The following C14orf132 variants were observed in gnomAD, a reference collection of about 807,000 sequenced individuals.
C14orf132 encodes the protein chromosome 14 open reading frame 132.
In C14orf132, 6 loss-of-function variants were observed where a neutral mutation model predicts 5.8. The observed-to-expected ratio is 1.03, with a 90% CI of 0.57 to 2.04. C14orf132 has a LOEUF of 2.04. C14orf132 is among the 30% of genes most tolerant of loss of function. The pLI, the probability that C14orf132 is intolerant of heterozygous loss-of-function variation, is 0.00. For missense variants in C14orf132, 125 were observed against 115.8 expected, an observed-to-expected ratio of 1.08 and a Z score of -0.37; for synonymous variants, 51 against 49.8, an observed-to-expected ratio of 1.02 and a Z score of -0.10.
intron 1 of C14orf132, among the ~76,000 whole-genome samples, chr14:96,085,705 C>G (rs1888160370): frequency 6.6e-6 from 1 of 152,148 alleles, no homozygotes; most frequent in Non-Finnish European, 1.5e-5. Context: ...GTCGGGGAGT[C>G]TGCCCTAATA....
At chr14:96,057,086 G>A (rs1595174150) in intron 1 of C14orf132, among the ~76,000 whole-genome samples, 2 of 152,344 alleles carry the variant, frequency 1.3e-5, no homozygotes, top group East Asian at 3.9e-4. Context: ...TGGTTTGAAT[G>A]TTTGTCTCCT....
intron 1 of C14orf132, among the ~76,000 whole-genome samples, chr14:96,077,215 C>G (rs1887895330): frequency 6.6e-6 from 1 of 152,174 alleles, no homozygotes; most frequent in African/African-American, 2.4e-5. Flanking sequence ...CTATTTCTTT[C>G]TATACCAAGA....
chr14:96,082,542 T>A (rs1888057808), intron 1 of C14orf132, among the ~76,000 whole-genome samples: 1 of 152,172 alleles, frequency 6.6e-6, no homozygotes, highest in Non-Finnish European at 1.5e-5. Flanking sequence ...CCAACAAACC[T>A]GAGACAGATG....
At position 96,092,270 on chromosome 14, in the gene C14orf132, C is replaced by T. The variant is rs896222010; in HGVS notation, c.*5535C>T. The T allele has an allele frequency of 1.3e-5, 2 of 152,220 alleles. No homozygotes were observed. Among genetic ancestry groups the T allele is most frequent in the South Asian group, 2.1e-4 (1 of 4,834 alleles). 9.4% of individuals were successfully genotyped at this position (152,220 alleles called of 1,614,324 possible). ...CTGGTCTTTTGACCGTGGCGGCAGC[C>T]TCGCGCCTGCCCGGATGGCTCCATC... On this transcript the variant is annotated 3_prime_UTR_variant, in exon 2 of 2. Transcript: ENST00000555004.
rs1043519 is a variant in C14orf132, at chr14:96,093,395, G to C, written c.*6660G>C. 0.31 allele frequency: 47,880 copies of C among 152,188 alleles called. 7,643 individuals carry two copies. Among genetic ancestry groups the C allele is most frequent in the East Asian group, 0.41 (2,135 of 5,176 alleles). The allele number at this position is 152,188 out of a possible 1,614,324, so 9.4% of individuals were successfully genotyped here. On this transcript the variant is annotated 3_prime_UTR_variant, in exon 2 of 2. Transcript: ENST00000555004. Reference sequence around the variant, plus strand: ...GCTTAGGAATGGGGTGGGCATGGGAGTGCTGGGTAGCAGCCTTTGAGCAAA... The same window carrying C: ...GCTTAGGAATGGGGTGGGCATGGGACTGCTGGGTAGCAGCCTTTGAGCAAA...
At chr14:96,067,948 T>C (rs1887580932) in intron 1 of C14orf132, among the ~76,000 whole-genome samples, 2 of 152,250 alleles carry the variant, frequency 1.3e-5, no homozygotes, top group Admixed American at 1.3e-4. Context: ...AGGGTGACGA[T>C]AGTACCCACC....
At chr14:96,069,460 G>C (rs1472204706) in intron 1 of C14orf132, among the ~76,000 whole-genome samples, 1 of 151,940 alleles carries the variant, frequency 6.6e-6, no homozygotes, top group Non-Finnish European at 1.5e-5. Context: ...AACTATCAAA[G>C]CCTCAGTTAT....
At chr14:96,066,228 C>T (rs1230285145) in intron 1 of C14orf132, among the ~76,000 whole-genome samples, 2 of 152,152 alleles carry the variant, frequency 1.3e-5, no homozygotes, top group African/African-American at 4.8e-5. Flanking sequence ...CCATGGGATG[C>T]GCGTGGAGGA....
rs1886618697 is a variant in C14orf132 at position 96,039,385 on chromosome 14, C to A, written c.-116C>A. ...CCAGAAGCCCAGAGACAGCCGAGTG[C>A]GCCGTGCGGTCTCCGGACGCTCGCT... On this transcript the variant is annotated 5_prime_UTR_variant, in exon 1 of 2. Transcript: ENST00000555004. The surrounding 1 kb of genome is among the most constrained non-coding windows in gnomAD (Gnocchi z 5.3). The A allele has an allele frequency of 2.9e-6, 3 of 1,045,970 alleles. No homozygotes were observed. Among genetic ancestry groups the A allele is most frequent in the Non-Finnish European group, 3.8e-6 (3 of 785,872 alleles). The allele number at this position is 1,045,970 out of a possible 1,614,324, so 64.8% of individuals were successfully genotyped here. A position where few individuals can be genotyped will look rare whatever the true frequency, so the allele number is the denominator to read the frequency against.
chr14:96,058,693 C>A (rs898750743), intron 1 of C14orf132, among the ~76,000 whole-genome samples: 1 of 152,194 alleles, frequency 6.6e-6, no homozygotes, highest in Non-Finnish European at 1.5e-5. Context: ...CACCTGGGCT[C>A]ATGGATCAGA....
intron 1 of C14orf132, 62 bp from the exon 2 acceptor site, chr14:96,086,449 T>A: frequency 6.9e-7 from 1 of 1,458,084 alleles, no homozygotes; most frequent in Non-Finnish European, 9.3e-7. Flanking sequence ...ACTTCCCTTT[T>A]GCAGGGTACA....
chr14:96,042,553 T>C (rs886814626), intron 1 of C14orf132, among the ~76,000 whole-genome samples: 3 of 152,220 alleles, frequency 2.0e-5, no homozygotes, highest in Non-Finnish European at 2.9e-5. Flanking sequence ...ATTCCTGTTT[T>C]TGGCTTAAGA....
intron 1 of C14orf132, among the ~76,000 whole-genome samples, chr14:96,073,318 C>A (rs1887766613): frequency 6.6e-6 from 1 of 152,144 alleles, no homozygotes; most frequent in Non-Finnish European, 1.5e-5. Context: ...CTGTTCAGAT[C>A]TTTTACCTAT....
At chr14:96,085,963 C>T (rs1888168644) in intron 1 of C14orf132, among the ~76,000 whole-genome samples, 1 of 148,168 alleles carries the variant, frequency 6.7e-6, no homozygotes, top group African/African-American at 2.5e-5. Context: ...GTCTCTCTCT[C>T]TCACTCTGTC....
chr14:96,056,698 G>T (rs1345483072), intron 1 of C14orf132, among the ~76,000 whole-genome samples: 3 of 151,518 alleles, frequency 2.0e-5, no homozygotes, highest in African/African-American at 7.3e-5. Flanking sequence ...TGTTTTTTTT[G>T]GTCTGCAAAA....
Position 96,087,014 on chromosome 14 carries a change from A to G in C14orf132, c.*279A>G, listed in dbSNP as rs1429420841. 3 of 502,728 alleles carry G rather than the reference A, an allele frequency of 6.0e-6. No homozygotes were observed. The highest frequency in any genetic ancestry group is 1.1e-5 in the Non-Finnish European group (3 of 280,474). The allele number at this position is 502,728 out of a possible 1,614,324, so 31.1% of individuals were successfully genotyped here. The stretch of plus-strand genomic sequence containing the variant: ...GGATCCTTGAAACTACATTCCAGGA[A>G]CATGGGACCAGATGAGACAGCTAGT... On this transcript the variant is annotated 3_prime_UTR_variant, in exon 2 of 2. Coordinates refer to ENST00000555004, the MANE Select transcript of C14orf132 (RefSeq NM_001252507.3).
chr14:96,056,031 G>A (rs1315867899), intron 1 of C14orf132, among the ~76,000 whole-genome samples: 3 of 152,204 alleles, frequency 2.0e-5, no homozygotes, highest in African/African-American at 7.2e-5. Context: ...AATAATTAAA[G>A]GAGATAAAAA....
At position 96,093,151 on chromosome 14, in the gene C14orf132, A is replaced by T. The variant is rs1888469772; in HGVS notation, c.*6416A>T. On this transcript the variant is annotated 3_prime_UTR_variant, in exon 2 of 2. Transcript: ENST00000555004. ...CAAATAATGCGAGCTGAGGACAGTG[A>T]TCTGCAACTCCCAGCATGTCATGTG... 6.6e-6 allele frequency: 1 copy of T among 152,210 alleles called. No homozygotes were observed. Among genetic ancestry groups the T allele is most frequent in the South Asian group, 2.1e-4 (1 of 4,828 alleles). The allele number at this position is 152,210 out of a possible 1,614,324, so 9.4% of individuals were successfully genotyped here. A position where few individuals can be genotyped will look rare whatever the true frequency, so the allele number is the denominator to read the frequency against.
chr14:96,078,334 C>T (rs1424055414), intron 1 of C14orf132, among the ~76,000 whole-genome samples: 2 of 152,366 alleles, frequency 1.3e-5, no homozygotes, highest in East Asian at 1.9e-4. Flanking sequence ...CCTCAAACTG[C>T]CAGCTCACAG....
Sources: allele counts gnomAD v4.1 joint callset (sites outside exome capture counted in the v4.1 genomes callset), GRCh38; gene constraint gnomAD v4.1.1; non-coding constraint Gnocchi (gnomAD v3.1); transcripts MANE v1.5; gene names NCBI Gene and HGNC (gene_info 2026-07-23, HGNC 2026-07-21).